SMC4: variants seen among roughly 807,000 people sequenced by gnomAD.
SMC4 encodes the protein structural maintenance of chromosomes 4.
Under a neutral mutation model 145.6 loss-of-function variants are expected in SMC4, and 87 were observed. The observed-to-expected ratio is 0.60, with a 90% CI of 0.50 to 0.71. The LOEUF is 0.71. SMC4 is among the 30% of genes least tolerant of loss of function. SMC4 has a pLI of 0.00. For synonymous variants in SMC4, 558 were observed against 500.7 expected (o/e 1.11, Z -1.53); for missense variants, 1,447 against 1,537.1 (o/e 0.94, Z 0.98).
intron 5 of SMC4, among the ~76,000 whole-genome samples, chr3:160,408,759 A>G (rs1715628404): frequency 6.6e-6 from 1 of 152,206 alleles, no homozygotes; most frequent in African/African-American, 2.4e-5. Flanking sequence ...TCTACAGATT[A>G]CATAGGAGAT....
chr3:160,432,963 A>C, intron 22 of SMC4, 63 bp from the exon 23 acceptor site: 1 of 1,164,942 alleles, frequency 8.6e-7, no homozygotes, highest in Non-Finnish European at 1.3e-6. Context: ...ATGGAAAGCA[A>C]ATCACAAAGT....
At chr3:160,404,809 T>C (rs768780684) in intron 5 of SMC4, 2 of 551,868 alleles carry the variant, frequency 3.6e-6, no homozygotes, top group Non-Finnish European at 7.3e-6. Context: ...AATATTACTG[T>C]GCTGCTTTAG....
At chr3:160,431,254 AAG>A (rs747370587) in intron 20 of SMC4, 49 bp downstream of exon 20, 21 of 1,480,742 alleles carry the variant, frequency 1.4e-5, no homozygotes, top group Non-Finnish European at 1.8e-5. Context: ...CTTTATGAAA[AAG>A]GAGGGTTTGG....
At position 160,417,866 on chromosome 3, in the gene SMC4, A is replaced by C. The variant is rs773228494; in HGVS notation, c.1581A>C (p.Leu527=). Residue 527 remains leucine (L), a synonymous_variant, in exon 11 of 24, where the codon CTA becomes CTC. Transcript: ENST00000357388. ...AATTAACTAAGGCTAAGGAAGCTCT[A>C]ATTGCAGCTTCTGAGACTCTCAAAG... ...VSQLTKAKEA[L]IAASETLKER... is the part of the protein sequence containing the mutation. 2 of 1,613,636 alleles carry C rather than the reference A, an allele frequency of 1.2e-6. No homozygotes were observed. The highest frequency in any genetic ancestry group is 2.2e-5 in the South Asian group (2 of 91,072).
rs780419135 is a variant in SMC4, at chr3:160,428,734, CTTTA to C, written c.2606-15_2606-12del. The C allele has an allele frequency of 6.4e-7, 1 of 1,555,910 alleles. No individual in the cohort carries two copies. The highest frequency in any genetic ancestry group is 1.9e-4 in the Middle Eastern group (1 of 5,370). On this transcript the variant is annotated splice_polypyrimidine_tract_variant and intron_variant, in intron 17 of 23. Coordinates refer to ENST00000357388, the MANE Select transcript of SMC4 (RefSeq NM_001002800.3). ...TTAGCATAAAAACACAAATTAGGTT[CTTTA>C]TTTTTTAATTTCAGAATATGATGCT...
At chr3:160,432,101 C>T (rs1167737017) in intron 21 of SMC4, among the ~76,000 whole-genome samples, 182 bp from the exon 22 acceptor site, 1 of 152,204 alleles carries the variant, frequency 6.6e-6, no homozygotes, top group Non-Finnish European at 1.5e-5. Flanking sequence ...ACTCGGGAGG[C>T]TGAGGCAGGA....
chr3:160,404,023 A>C (rs1715020951), intron 4 of SMC4: 1 of 267,078 alleles, frequency 3.7e-6, no homozygotes, highest in East Asian at 1.0e-4. Flanking sequence ...TATGGTGGGA[A>C]TCTTGTCTAC....
chr3:160,431,046 G>A lies in SMC4; in HGVS notation c.2955G>A (p.Glu985=). 6.3e-7 allele frequency: 1 copy of A among 1,599,934 alleles called. No homozygotes were observed. Among genetic ancestry groups the A allele is most frequent in the Non-Finnish European group, 8.5e-7 (1 of 1,176,290 alleles). Residue 985 remains glutamate (E), a synonymous_variant, in exon 20 of 24, where the codon GAG becomes GAA. Transcript: ENST00000357388. The stretch of plus-strand genomic sequence containing the variant: ...TCGGTGTTTAGGAATCCTTACCAGA[G>A]ATCCAGAAAGAACATCGCAATCTGC... The part of the protein sequence containing the change: ...NTNAAEESLP[E]IQKEHRNLLQ...
In SMC4 at chr3:160,430,635, A is replaced by G. The variant is rs1718300806; in HGVS notation, c.2832A>G (p.Thr944=). 1 of 1,613,506 alleles carries G rather than the reference A, an allele frequency of 6.2e-7. No individual in the cohort carries two copies. Among genetic ancestry groups the G allele is most frequent in the South Asian group, 1.1e-5 (1 of 90,980 alleles). Residue 944 remains threonine, a synonymous_variant, in exon 19 of 24, where the codon ACA becomes ACG. Coordinates refer to ENST00000357388, the MANE Select transcript of SMC4 (RefSeq NM_001002800.3). ...LQKAQDSVLR[T]EKEIKDTEKE... ...AGGCACAAGACTCTGTCTTGCGTAC[A>G]GAGAAAGAAATAAAAGATACTGAGA...
chr3:160,430,561 C>T, intron 18 of SMC4, 38 bp from the exon 19 acceptor site: 2 of 1,504,274 alleles, frequency 1.3e-6, no homozygotes, highest in Non-Finnish European at 1.8e-6. Context: ...TAACAAATCA[C>T]CTTACCACAT....
chr3:160,431,652 A>T lies in SMC4; in HGVS notation c.3124A>T (p.Ile1042Leu). 6.3e-7 allele frequency: 1 copy of T among 1,575,402 alleles called. No homozygotes were observed. Among genetic ancestry groups the T allele is most frequent in the Non-Finnish European group, 8.6e-7 (1 of 1,168,432 alleles). The part of the protein sequence containing the change: ...IKYWHKEISK[I>L]SLHPIEDNPI... ...TAAATTGAACTTTTAGATTTCAAAA[A>T]TATCACTGCATCCTATAGAAGATAA... is the stretch of plus-strand genomic sequence containing the variant. The change falls in exon 21 of 24, where the codon ATA becomes TTA. Residue 1042 changes from isoleucine to leucine, a missense_variant. By Grantham distance (5) the Ile-to-Leu change is conservative. Coordinates refer to ENST00000357388, the MANE Select transcript of SMC4 (RefSeq NM_001002800.3).
In SMC4 at chr3:160,434,569, T is replaced by C. The variant is rs1207633449; in HGVS notation, c.*760T>C. On this transcript the variant is annotated 3_prime_UTR_variant, in exon 24 of 24. Transcript: ENST00000357388. Reference sequence around the variant, plus strand: ...AACTTATGATAGGTTTACCAGGATGTAGTCCCACTGTTGAGGAGCATCTAT... The same window carrying C: ...AACTTATGATAGGTTTACCAGGATGCAGTCCCACTGTTGAGGAGCATCTAT... 4 of 152,248 alleles carry C rather than the reference T, an allele frequency of 2.6e-5. No individual in the cohort carries two copies. The highest frequency in any genetic ancestry group is 2.6e-4 in the Admixed American group (4 of 15,284). The allele number at this position is 152,248 out of a possible 1,614,324, so 9.4% of individuals were successfully genotyped here. A position where few individuals can be genotyped will look rare whatever the true frequency, so the allele number is the denominator to read the frequency against.
intron 13 of SMC4, 110 bp downstream of exon 13, chr3:160,421,011 G>T: frequency 1.2e-6 from 1 of 826,532 alleles, no homozygotes. Context: ...CTCACTGCAA[G>T]CTCCGCCTCC....
chr3:160,405,369 A>T (rs1715215460), intron 5 of SMC4, among the ~76,000 whole-genome samples: 1 of 151,096 alleles, frequency 6.6e-6, no homozygotes, highest in Middle Eastern at 3.2e-3. Flanking sequence ...TTCCTGTTTG[A>T]TTCGAGGGTA....
In SMC4 at chr3:160,421,590, A is replaced by G. The variant is rs538122960; in HGVS notation, c.2019+689A>G. Among the ~76,000 whole-genome samples the G allele has an allele frequency of 3.2e-4, 48 of 152,166 alleles. 1 individual carries two copies. In the South Asian group the frequency reaches 4.6e-3, roughly 14 times the overall value. On this transcript the variant is annotated intron_variant, in intron 13 of 23. Transcript: ENST00000357388. ...GAAATCCCATCTCTACTAAAAATAC[A>G]AAAATTAGCTAGGCATGGTAGCAGG...
chr3:160,427,134 A>G (rs907550231), intron 17 of SMC4, among the ~76,000 whole-genome samples: 1 of 152,216 alleles, frequency 6.6e-6, no homozygotes, highest in Non-Finnish European at 1.5e-5. Flanking sequence ...CTGCATTTCT[A>G]ATATTCAGGC....
In SMC4 at chr3:160,432,472, C is replaced by A; in HGVS notation, c.3487C>A (p.Leu1163Ile). 6.2e-7 allele frequency: 1 copy of A among 1,612,038 alleles called. No individual in the cohort carries two copies. Among genetic ancestry groups the A allele is most frequent in the Non-Finnish European group, 8.5e-7 (1 of 1,179,150 alleles). The change falls in exon 22 of 24, where the codon CTT becomes ATT. Residue 1163 changes from leucine (L) to isoleucine (I), a missense_variant. Coordinates refer to ENST00000357388, the MANE Select transcript of SMC4 (RefSeq NM_001002800.3). ...TTTGGGAGGGGACGCCGAACTCGAG[C>A]TTGTAGACAGCTTGGATCCTTTCTC... ...LTLGGDAELE[L>I]VDSLDPFSEG...
chr3:160,422,909 T>C (rs989962336), intron 13 of SMC4, among the ~76,000 whole-genome samples: 2 of 152,210 alleles, frequency 1.3e-5, no homozygotes, highest in Non-Finnish European at 2.9e-5. Flanking sequence ...AAAGATTCTT[T>C]ACCCCATTGA....
intron 22 of SMC4, 140 bp from the exon 23 acceptor site, chr3:160,432,886 A>G: frequency 1.6e-6 from 1 of 634,620 alleles, no homozygotes; most frequent in Non-Finnish European, 2.7e-6. Context: ...ATAAAATAAC[A>G]GAAAAGAGAA....
Sources: gnomAD v4.1 joint callset for allele counts (sites outside exome capture counted in the v4.1 genomes callset) on GRCh38, gnomAD v4.1.1 for gene constraint, MANE v1.5 for transcripts, NCBI Gene and HGNC (gene_info 2026-07-23, HGNC 2026-07-21) for gene names.